Variants in CRACR2A observed in about 807,000 individuals in gnomAD.
CRACR2A encodes EF-hand calcium-binding domain-containing protein 4B.
Under a neutral mutation model 90.5 loss-of-function variants are expected in CRACR2A, and 79 were observed. That is an observed-to-expected ratio of 0.87 (90% confidence interval 0.73 to 1.05). The LOEUF (loss-of-function observed/expected upper bound fraction) is 1.05. Ranked by LOEUF, CRACR2A falls within the 50% of genes least tolerant of loss-of-function variation. The probability of loss-of-function intolerance (pLI) is 0.00; values close to 1 mark genes in which losing one functional copy is unlikely to be tolerated. For missense variants in CRACR2A, 823 were observed against 897.2 expected, an observed-to-expected ratio of 0.92 and a Z score of 1.06; for synonymous variants, 338 against 356.7, an observed-to-expected ratio of 0.95 and a Z score of 0.59.
intron 3 of CRACR2A, among the ~76,000 whole-genome samples, chr12:3,709,633 C>T (rs1013159710): frequency 3.3e-5 from 5 of 152,120 alleles, no homozygotes; most frequent in South Asian, 2.1e-4. Flanking sequence ...AAAAATTAGC[C>T]GGGCATGGTG....
rs1166347439 is a variant in CRACR2A, at chr12:3,733,973, A to ATTTTTTTTTTT, written c.-386-774_-386-764dup. Among the ~76,000 whole-genome samples, 53 of 99,778 alleles carry ATTTTTTTTTTT rather than the reference A, an allele frequency of 5.3e-4. 10 individuals are homozygous for ATTTTTTTTTTT. The highest frequency in any genetic ancestry group is 1.0e-3 in the Admixed American group (8 of 7,848). 65.5% of individuals were successfully genotyped at this position (99,778 alleles called of 152,430 possible). A position where few individuals can be genotyped will look rare whatever the true frequency, so the allele number is the denominator to read the frequency against. ...TCCTAGACTGGACACATTTTGCCTT[A>ATTTTTTTTTTT]TTTTTTTTTTTTTTTGAGATGGAGT... is the stretch of plus-strand genomic sequence containing the variant. On this transcript the variant is annotated intron_variant, in intron 1 of 19. Transcript: ENST00000440314.
chr12:3,673,815 C>T (rs1378845926), intron 6 of CRACR2A, among the ~76,000 whole-genome samples: 2 of 152,208 alleles, frequency 1.3e-5, no homozygotes, highest in Non-Finnish European at 2.9e-5. Flanking sequence ...GCTGCAATTA[C>T]CCCATTTACA....
At chr12:3,621,027 G>A (rs577891992) in intron 17 of CRACR2A, among the ~76,000 whole-genome samples, 2 of 152,308 alleles carry the variant, frequency 1.3e-5, no homozygotes, top group African/African-American at 4.8e-5. Context: ...AGCTTTTCAC[G>A]GAAAGGGAAG....
intron 3 of CRACR2A, among the ~76,000 whole-genome samples, chr12:3,702,584 G>T (rs938952908): frequency 2.0e-5 from 3 of 152,126 alleles, no homozygotes; most frequent in Admixed American, 6.5e-5. Context: ...ATCTGACAAA[G>T]GATGTCTAAT....
chr12:3,627,885 G>A (rs1053166591), intron 15 of CRACR2A, among the ~76,000 whole-genome samples, 179 bp from the exon 16 acceptor site: 4 of 152,314 alleles, frequency 2.6e-5, no homozygotes, highest in East Asian at 3.9e-4. Context: ...GGAGGCATGG[G>A]ACCTCAGCTC....
rs139367614 is a variant in CRACR2A at position 3,632,278 on chromosome 12, A to C, written c.1735+1326T>G. Reference sequence around the variant, plus strand: ...TTCCTGTACAGCCTGCAGAACCATGAGCCAATTAAACCTCTTTTCTTTATA... The same window carrying C: ...TTCCTGTACAGCCTGCAGAACCATGCGCCAATTAAACCTCTTTTCTTTATA... On this transcript the variant is annotated intron_variant, in intron 15 of 19. Coordinates refer to ENST00000440314, the MANE Select transcript of CRACR2A (RefSeq NM_001144958.2). 3.4e-3 allele frequency among the ~76,000 whole-genome samples: 518 copies of C among 152,300 alleles called. 5 individuals carry two copies. Among genetic ancestry groups the C allele is most frequent in the African/African-American group, 0.012 (487 of 41,550 alleles).
chr12:3,714,619 G>T (rs902450941), intron 2 of CRACR2A, among the ~76,000 whole-genome samples: 8 of 152,216 alleles, frequency 5.3e-5, no homozygotes, highest in Admixed American at 5.2e-4. Context: ...GTTATTTCTA[G>T]ATGGTAACCT....
At position 3,711,211 on chromosome 12, in the gene CRACR2A, T is replaced by C. The variant is rs1206355641; in HGVS notation, c.-37+2026A>G. On this transcript the variant is annotated intron_variant, in intron 3 of 19. Transcript: ENST00000440314. This position sits in a 1 kb window ranked among gnomAD's most constrained non-coding sequence, Gnocchi z 4.3. ...ACAAGTTAGGTGCTTCCAAAAACAA[T>C]GATGGGACAGGGGCACGACAGATGT... Among the ~76,000 whole-genome samples the C allele has an allele frequency of 6.6e-6, 1 of 152,198 alleles. No individual in the cohort carries two copies. Among genetic ancestry groups the C allele is most frequent in the Non-Finnish European group, 1.5e-5 (1 of 68,024 alleles).
chr12:3,636,138 T>A (rs567597226), intron 14 of CRACR2A, among the ~76,000 whole-genome samples: 1 of 152,386 alleles, frequency 6.6e-6, no homozygotes, highest in Non-Finnish European at 1.5e-5. Flanking sequence ...CTGATTTTGG[T>A]TATTTCCTTA....
rs757174488 is a variant in CRACR2A at position 3,654,204 on chromosome 12, G to A, written c.1046+8C>T. ...GACAGCAGAGGAGTGGACAAAGGCTGGACTCACATCTCCTTCTCTTGGTGG... is the reference window on the plus strand; with the variant it reads ...GACAGCAGAGGAGTGGACAAAGGCTAGACTCACATCTCCTTCTCTTGGTGG... On this transcript the variant is annotated splice_region_variant and intron_variant, in intron 10 of 19. Coordinates refer to ENST00000440314, the MANE Select transcript of CRACR2A (RefSeq NM_001144958.2). 1.9e-6 allele frequency: 3 copies of A among 1,610,066 alleles called. No individual in the cohort carries two copies. The highest frequency in any genetic ancestry group is 2.2e-5 in the South Asian group (2 of 90,770).
In CRACR2A at chr12:3,656,335, C is replaced by A. The variant is rs541326469; in HGVS notation, c.834G>T (p.Glu278Asp). Residue 278 changes from glutamate to aspartate, a missense_variant, in exon 9 of 20, where the codon GAG becomes GAT. By Grantham distance (45) the Glu-to-Asp change is conservative. Transcript: ENST00000440314. The part of the protein sequence containing the change: ...QKLLCKEQEL[E>D]QLTQKQKRLE... ...CCCTTTTCTGCTTCTGGGTGAGCTG[C>A]TCCAGCTCCTGCTCCTTACATAACA... 102 of 1,614,154 alleles carry A rather than the reference C, an allele frequency of 6.3e-5. 1 individual carries two copies. In the South Asian group the frequency reaches 7.0e-4, roughly 11 times the overall value.
chr12:3,666,327 C>CTG lies in CRACR2A; in HGVS notation c.672-6675_672-6674dup, dbSNP rs1456953340. Among the ~76,000 whole-genome samples, 3 of 57,954 alleles carry CTG rather than the reference C, an allele frequency of 5.2e-5. No individual in the cohort carries two copies. In the East Asian group the frequency reaches 1.7e-3, roughly 32 times the overall value. The allele number at this position is 57,954 out of a possible 152,430, so 38.0% of individuals were successfully genotyped here. Reference sequence around the variant, plus strand: ...GCAAATGTCCCTCCCTAAAGGACGGCTGCGTGTGTGTGTGTGTGTGTGTGT... The same window carrying CTG: ...GCAAATGTCCCTCCCTAAAGGACGGCTGTGCGTGTGTGTGTGTGTGTGTGTGT... On this transcript the variant is annotated intron_variant, in intron 7 of 19. Coordinates refer to ENST00000440314, the MANE Select transcript of CRACR2A (RefSeq NM_001144958.2).
chr12:3,714,388 G>C (rs564251237), intron 2 of CRACR2A, among the ~76,000 whole-genome samples: 1 of 152,292 alleles, frequency 6.6e-6, no homozygotes, highest in South Asian at 2.1e-4. Context: ...CCACCTGTTG[G>C]CACCCCTGTC....
At chr12:3,717,882 A>G (rs1565500101) in intron 2 of CRACR2A, among the ~76,000 whole-genome samples, 1 of 151,928 alleles carries the variant, frequency 6.6e-6, no homozygotes, top group Non-Finnish European at 1.5e-5. Context: ...GTGGCCTTTG[A>G]ATGGATGAAG....
At chr12:3,690,197 C>T (rs2137667507) in intron 4 of CRACR2A, among the ~76,000 whole-genome samples, 1 of 152,042 alleles carries the variant, frequency 6.6e-6, no homozygotes, top group Admixed American at 6.5e-5. Flanking sequence ...TTGTCTTCTG[C>T]CAGCTTTAGG....
At chr12:3,723,601 C>T (rs941675278) in intron 2 of CRACR2A, among the ~76,000 whole-genome samples, 4 of 152,100 alleles carry the variant, frequency 2.6e-5, no homozygotes, top group African/African-American at 9.6e-5. Flanking sequence ...TGAGACTTAG[C>T]AACTCCAGCC....
chr12:3,751,287 C>T (rs1946698546), intron 1 of CRACR2A, among the ~76,000 whole-genome samples: 1 of 152,128 alleles, frequency 6.6e-6, no homozygotes, highest in South Asian at 2.1e-4. Flanking sequence ...GCCTTTTAGC[C>T]CCTTCCTGTC....
chr12:3,690,886 T>C lies in CRACR2A; in HGVS notation c.228+5886A>G, dbSNP rs559115062. On this transcript the variant is annotated intron_variant, in intron 4 of 19. Transcript: ENST00000440314. ...TATTGAAGATAGTTAGGTCTTCTTA[T>C]TGAATTGAATCCTTTACCATTATGT... Among the ~76,000 whole-genome samples the C allele has an allele frequency of 3.3e-5, 5 of 152,366 alleles. No homozygotes were observed. The South Asian group carries it at 1.0e-3, about 32-fold the overall frequency.
chr12:3,727,723 G>A (rs147495662), intron 2 of CRACR2A: 565 of 152,228 alleles, frequency 3.7e-3, no homozygotes, highest in African/African-American at 0.012. Context: ...CTAGGGGACA[G>A]CCTGACCCCA....
Sources: gnomAD v4.1 joint callset for allele counts (sites outside exome capture counted in the v4.1 genomes callset) on GRCh38, gnomAD v4.1.1 for gene constraint, Gnocchi (gnomAD v3.1) non-coding constraint, MANE v1.5 for transcripts, NCBI Gene and HGNC (gene_info 2026-07-23, HGNC 2026-07-21) for gene names.